TEX14: variants seen among roughly 807,000 people sequenced by gnomAD.
The protein encoded by TEX14 is testis expressed 14, intercellular bridge forming factor, also known as inactive serine/threonine-protein kinase TEX14.
TEX14 carries 168 observed loss-of-function variants against 178.6 expected under a neutral mutation model. That is an observed-to-expected ratio of 0.94 (90% CI 0.83 to 1.07). The LOEUF is 1.07. Ranked by LOEUF, TEX14 falls within the 50% of genes least tolerant of loss-of-function variation. The probability of loss-of-function intolerance (pLI) is 0.00; values close to 1 mark genes in which losing one functional copy is unlikely to be tolerated. For missense variants in TEX14, 1,730 were observed against 1,753.6 expected (o/e 0.99, Z 0.24); for synonymous variants, 626 against 634.1 (o/e 0.99, Z 0.19).
intron 10 of TEX14, among the ~76,000 whole-genome samples, chr17:58,606,297 GCT>G (rs1272144826): frequency 1.3e-4 from 20 of 152,142 alleles, no homozygotes; most frequent in Admixed American, 7.9e-4. Context: ...GCCATAAAGC[GCT>G]CTTTCATGTA....
At chr17:58,677,832 C>T (rs1478587485) in intron 1 of TEX14, 2 of 152,254 alleles carry the variant, frequency 1.3e-5, no homozygotes, top group Non-Finnish European at 2.9e-5. Flanking sequence ...CTGCTACTTA[C>T]AAGATAAAGA....
intron 31 of TEX14, 41 bp downstream of exon 31, chr17:58,557,758 A>G: frequency 1.3e-6 from 2 of 1,540,720 alleles, no homozygotes; most frequent in Non-Finnish European, 1.8e-6. Context: ...TGTTGTCTAT[A>G]AACATGACTT....
chr17:58,663,411 A>G (rs190141353), intron 1 of TEX14, among the ~76,000 whole-genome samples: 1 of 150,826 alleles, frequency 6.6e-6, no homozygotes, highest in Non-Finnish European at 1.5e-5. Flanking sequence ...AACAAGAGCA[A>G]AACTCCGTCT....
intron 1 of TEX14, among the ~76,000 whole-genome samples, chr17:58,657,784 C>G (rs974414722): frequency 1.3e-5 from 2 of 152,050 alleles, no homozygotes; most frequent in African/African-American, 4.8e-5. Flanking sequence ...ATGGTAACAG[C>G]CTTTTCCCAA....
chr17:58,592,834 C>T (rs773190873), intron 15 of TEX14, among the ~76,000 whole-genome samples: 4 of 152,116 alleles, frequency 2.6e-5, no homozygotes, highest in Non-Finnish European at 1.5e-5. Context: ...CCACCACACT[C>T]GGCCTGTTTT....
At chr17:58,597,270 G>A (rs908739331) in intron 14 of TEX14, among the ~76,000 whole-genome samples, 10 of 151,976 alleles carry the variant, frequency 6.6e-5, no homozygotes, top group Admixed American at 2.0e-4. Context: ...ATGGTGGCAC[G>A]TGACTGTAGT....
At chr17:58,631,785 A>C (rs982251189) in intron 2 of TEX14, 10 of 152,124 alleles carry the variant, frequency 6.6e-5, no homozygotes, top group Non-Finnish European at 1.2e-4. Context: ...ACACGTTCAG[A>C]TATACTCCTC....
chr17:58,575,662 A>G (rs538421796), intron 21 of TEX14, among the ~76,000 whole-genome samples: 1 of 152,224 alleles, frequency 6.6e-6, no homozygotes, highest in Non-Finnish European at 1.5e-5. Flanking sequence ...CAGCCAGTAC[A>G]CAACTCACCG....
intron 1 of TEX14, among the ~76,000 whole-genome samples, chr17:58,674,186 G>C (rs1286301237): frequency 1.3e-5 from 2 of 151,820 alleles, no homozygotes; most frequent in African/African-American, 2.4e-5. Context: ...TAAGGCAGGG[G>C]AATTGCTTGA....
At chr17:58,679,675 C>T (rs544964211) in intron 1 of TEX14, 2 of 152,306 alleles carry the variant, frequency 1.3e-5, no homozygotes, top group Admixed American at 1.3e-4. Context: ...TGTTATTTCC[C>T]TTGCCAGTTA....
At chr17:58,567,034 GC>G in intron 26 of TEX14, among the ~76,000 whole-genome samples, 1 of 151,766 alleles carries the variant, frequency 6.6e-6, no homozygotes, top group Non-Finnish European at 1.5e-5. Context: ...AGGCATGGTG[GC>G]TCATGCCTGT....
rs570761556 is a variant in TEX14 at position 58,635,831 on chromosome 17, C to A, written c.137-5277G>T. 2.6e-5 allele frequency among the ~76,000 whole-genome samples: 4 copies of A among 152,130 alleles called. No individual in the cohort carries two copies. The East Asian group carries it at 5.8e-4, about 22-fold the overall frequency. On this transcript the variant is annotated intron_variant, in intron 2 of 31. Coordinates refer to ENST00000349033, the MANE Select transcript of TEX14 (RefSeq NM_031272.5). ...ACCACAACCTCCAGCCTCACCATAA[C>A]CTCCAGCGGGTTCAAGCGATTCTCC... is the stretch of plus-strand genomic sequence containing the variant.
At chr17:58,655,848 G>A (rs755702008) in intron 1 of TEX14, among the ~76,000 whole-genome samples, 3 of 152,142 alleles carry the variant, frequency 2.0e-5, no homozygotes, top group Admixed American at 6.5e-5. Context: ...TTCTGATTCC[G>A]GAAGATGTCT....
chr17:58,681,334 G>A (rs1218435349), intron 1 of TEX14, among the ~76,000 whole-genome samples: 1 of 152,110 alleles, frequency 6.6e-6, no homozygotes, highest in Non-Finnish European at 1.5e-5. Flanking sequence ...AGGTGTCTTA[G>A]ATGGGGAGAA....
intron 2 of TEX14, among the ~76,000 whole-genome samples, chr17:58,646,538 A>T (rs1442052328): frequency 6.6e-6 from 1 of 151,986 alleles, no homozygotes; most frequent in Non-Finnish European, 1.5e-5. Context: ...GAATCTCACT[A>T]TGTTGCCCAG....
chr17:58,656,925 CAAAAAAAAAAAAA>C (rs60626361), intron 1 of TEX14, among the ~76,000 whole-genome samples: 1 of 79,540 alleles, frequency 1.3e-5, no homozygotes, highest in Non-Finnish European at 2.2e-5. Context: ...TCCCATCTCA[CAAAAAAAAAAAAA>C]AAAAAAAAAA....
Position 58,598,704 on chromosome 17 carries a change from C to A in TEX14, c.2469+172G>T, listed in dbSNP as rs183469185. Among the ~76,000 whole-genome samples, 3 of 152,258 alleles carry A rather than the reference C, an allele frequency of 2.0e-5. No homozygotes were observed. In the East Asian group the frequency reaches 5.8e-4, roughly 29 times the overall value. On this transcript the variant is annotated intron_variant, in intron 14 of 31. Coordinates refer to ENST00000349033, the MANE Select transcript of TEX14 (RefSeq NM_031272.5). ...ACATAGGTTAGGGGCAACGTCAAACCCAGCCCTGGGGTCCTGCTTAGGATG... is the reference window on the plus strand; with the variant it reads ...ACATAGGTTAGGGGCAACGTCAAACACAGCCCTGGGGTCCTGCTTAGGATG...
At chr17:58,603,148 T>C (rs1200892440) in intron 11 of TEX14, among the ~76,000 whole-genome samples, 2 of 151,550 alleles carry the variant, frequency 1.3e-5, no homozygotes, top group Admixed American at 1.3e-4. Context: ...GCCACAGAGA[T>C]AGGAAACAAT....
At chr17:58,666,697 T>C (rs780879583) in intron 1 of TEX14, 1 of 152,222 alleles carries the variant, frequency 6.6e-6, no homozygotes, top group Non-Finnish European at 1.5e-5. Flanking sequence ...CAGGTAATTA[T>C]GAGGTACTTG....
Sources: gnomAD v4.1 joint callset for allele counts (sites outside exome capture counted in the v4.1 genomes callset) on GRCh38, gnomAD v4.1.1 for gene constraint, MANE v1.5 for transcripts, NCBI Gene and HGNC (gene_info 2026-07-23, HGNC 2026-07-21) for gene names.